The following TRMT112 variants were observed in gnomAD, a reference collection of about 807,000 sequenced individuals.
TRMT112 encodes tRNA methyltransferase activator subunit 11-2.
In TRMT112, 9 loss-of-function variants were observed where a neutral mutation model predicts 13.8. The observed-to-expected ratio is 0.65, with a 90% CI of 0.39 to 1.14. The LOEUF (loss-of-function observed/expected upper bound fraction) is 1.14, where lower values mean the gene tolerates loss of function less well. Among genes scored for constraint, TRMT112 ranks in the 50% most tolerant of loss-of-function variants. The probability of loss-of-function intolerance (pLI) is 0.01; values close to 1 mark genes in which losing one functional copy is unlikely to be tolerated. For synonymous variants in TRMT112, 64 were observed against 67.0 expected (o/e 0.96, Z 0.22); for missense variants, 196 against 165.5 (o/e 1.18, Z -1.01).
upstream of TRMT112, chr11:64,317,736 G>C: frequency 1.4e-6 from 1 of 740,404 alleles, no homozygotes; most frequent in Non-Finnish European, 2.1e-6. Context: ...CTCAGCAGGA[G>C]GTTCCTACGG....
chr11:64,318,041 G>A, upstream of TRMT112: 1 of 1,433,322 alleles, frequency 7.0e-7, no homozygotes, highest in Non-Finnish European at 9.1e-7. Context: ...AGCACCCAGT[G>A]CAAACGAGGC....
upstream of TRMT112, chr11:64,318,440 C>T (rs192518475): frequency 8.4e-6 from 13 of 1,548,418 alleles, no homozygotes; most frequent in East Asian, 1.9e-4. Context: ...ATGGCAATCC[C>T]CGTCCCGCTA....
Position 64,316,668 on chromosome 11 carries a change from T to C in TRMT112, c.*193A>G. ...TGTACAGAGACTCTATTTTAATGTATATTTGCTGCAAAGAGAAACCGCTTT... is the reference window on the plus strand; with the variant it reads ...TGTACAGAGACTCTATTTTAATGTACATTTGCTGCAAAGAGAAACCGCTTT... On this transcript the variant is annotated 3_prime_UTR_variant, in exon 4 of 4. Coordinates refer to ENST00000544844, the MANE Select transcript of TRMT112 (RefSeq NM_016404.3). 1.7e-6 allele frequency: 1 copy of C among 597,374 alleles called. No homozygotes were observed. Among genetic ancestry groups the C allele is most frequent in the Admixed American group, 3.0e-5 (1 of 33,084 alleles). The allele number at this position is 597,374 out of a possible 1,614,324, so 37.0% of individuals were successfully genotyped here.
At chr11:64,317,907 G>A, upstream of TRMT112, 2 of 1,354,504 alleles carry the variant, frequency 1.5e-6, no homozygotes, top group South Asian at 1.7e-5. Context: ...TCGGTTAAGG[G>A]GCAGAAATAC....
chr11:64,318,536 G>C, upstream of TRMT112: 1 of 1,045,168 alleles, frequency 9.6e-7, no homozygotes, highest in South Asian at 1.5e-5. Flanking sequence ...CCTCGTGGCT[G>C]CCCACCTTTC....
At position 64,317,276 on chromosome 11, in the gene TRMT112, C is replaced by T; in HGVS notation, c.168G>A (p.Glu56=). The change falls in exon 2 of 4, where the codon GAG becomes GAA. Residue 56 remains glutamate (E), a synonymous_variant. Transcript: ENST00000544844. ...IPKVEWSAFL[E]AADNLRLIQV... Reference sequence around the variant, plus strand: ...TAAGGATCCTCACGTTATCGGCCGCCTCCAGGAACGCCGACCACTCCACTT... The same window carrying T: ...TAAGGATCCTCACGTTATCGGCCGCTTCCAGGAACGCCGACCACTCCACTT... 6.2e-7 allele frequency: 1 copy of T among 1,610,928 alleles called. No individual in the cohort carries two copies. Among genetic ancestry groups the T allele is most frequent in the Non-Finnish European group, 8.5e-7 (1 of 1,177,270 alleles).
At chr11:64,317,939 C>T (rs2035350435), upstream of TRMT112, 13 of 1,379,808 alleles carry the variant, frequency 9.4e-6, no homozygotes, top group Non-Finnish European at 9.3e-7. Context: ...TAAATTAGGC[C>T]CATGGAAGCC....
At chr11:64,317,687 T>G (rs1591252042), upstream of TRMT112, 1 of 828,502 alleles carries the variant, frequency 1.2e-6, no homozygotes, top group Non-Finnish European at 1.8e-6. Flanking sequence ...GGTAGGTAGG[T>G]GAAAGACCTG....
chr11:64,317,415 C>A, intron 1 of TRMT112, 34 bp downstream of exon 1: 2 of 1,613,902 alleles, frequency 1.2e-6, no homozygotes, highest in Non-Finnish European at 1.7e-6. Context: ...CCCACCATCC[C>A]GCCCGAAAAG....
intron 3 of TRMT112, 40 bp downstream of exon 3, chr11:64,317,018 G>A: frequency 6.2e-7 from 1 of 1,613,270 alleles, no homozygotes; most frequent in Non-Finnish European, 8.5e-7. Flanking sequence ...CAGTGCGGGA[G>A]GCAGGTGGCC....
upstream of TRMT112, chr11:64,318,156 G>T: frequency 1.2e-6 from 2 of 1,601,658 alleles, no homozygotes; most frequent in East Asian, 2.2e-5. Flanking sequence ...CGCTAGCGGT[G>T]CCCCGCCTGC....
Position 64,317,279 on chromosome 11 carries a change from C to T in TRMT112, c.165G>A (p.Leu55=), listed in dbSNP as rs1481016651. 3.1e-6 allele frequency: 5 copies of T among 1,611,402 alleles called. No individual in the cohort carries two copies. The Admixed American group carries it at 5.0e-5, about 16-fold the overall frequency. The change falls in exon 2 of 4, where the codon CTG becomes CTA. Residue 55 remains leucine (L), a synonymous_variant. Transcript: ENST00000544844. ...MIPKVEWSAF[L]EAADNLRLIQ... is the part of the protein sequence containing the mutation. ...GGATCCTCACGTTATCGGCCGCCTC[C>T]AGGAACGCCGACCACTCCACTTTAG... is the stretch of plus-strand genomic sequence containing the variant.
At chr11:64,317,755 C>A, upstream of TRMT112, 2 of 761,364 alleles carry the variant, frequency 2.6e-6, no homozygotes, top group South Asian at 4.5e-5. Context: ...GGCGCACGCC[C>A]AGCTTTTTTT....
upstream of TRMT112, chr11:64,317,963 T>C (rs1042604106): frequency 1.4e-5 from 20 of 1,391,930 alleles, no homozygotes; most frequent in African/African-American, 2.8e-4. Flanking sequence ...CCGCACCTCA[T>C]TCCTATATGC....
Position 64,317,437 on chromosome 11 carries a change from G to A in TRMT112, c.78+12C>T, listed in dbSNP as rs1289606667. ...TCCCGCCCGAAAAGGGAAGACTGCC[G>A]CCGGCGGGTACCTGGAGGCGCAGGG... On this transcript the variant is annotated intron_variant, in intron 1 of 3. Coordinates refer to ENST00000544844, the MANE Select transcript of TRMT112 (RefSeq NM_016404.3). 6.2e-7 allele frequency: 1 copy of A among 1,612,384 alleles called. No homozygotes were observed. Among genetic ancestry groups the A allele is most frequent in the Non-Finnish European group, 8.5e-7 (1 of 1,179,228 alleles).
chr11:64,317,114 C>T lies in TRMT112; in HGVS notation c.214G>A (p.Glu72Lys). The T allele has an allele frequency of 1.2e-6, 2 of 1,614,204 alleles. No individual in the cohort carries two copies. The highest frequency in any genetic ancestry group is 1.7e-6 in the Non-Finnish European group (2 of 1,180,034). ...AACTCCTCATTCTCCTCATATCCCT[C>T]AACCGGCCCTTTCGGCACCTGGATC... ...RLIQVPKGPVEGYEENEEFLR... is the reference protein window; with the variant it reads ...RLIQVPKGPVKGYEENEEFLR... The change falls in exon 3 of 4, where the codon GAG (glutamate) becomes AAG (lysine). Residue 72 changes from glutamate to lysine, a missense_variant. Coordinates refer to ENST00000544844, the MANE Select transcript of TRMT112 (RefSeq NM_016404.3).
rs2035273427 is a variant in TRMT112 at position 64,316,562 on chromosome 11, A to C, written c.*299T>G. On this transcript the variant is annotated 3_prime_UTR_variant, in exon 4 of 4. Coordinates refer to ENST00000544844, the MANE Select transcript of TRMT112 (RefSeq NM_016404.3). ...AGAGCACTGCCTCTATGCCCTGCAG[A>C]GCAATAACACTATATTTATTTTTGG... 1 of 339,340 alleles carries C rather than the reference A, an allele frequency of 2.9e-6. No individual in the cohort carries two copies. The highest frequency in any genetic ancestry group is 4.5e-5 in the Admixed American group (1 of 22,000). The allele number at this position is 339,340 out of a possible 1,614,324, so 21.0% of individuals were successfully genotyped here.
At chr11:64,318,124 C>A, upstream of TRMT112, 2 of 1,549,200 alleles carry the variant, frequency 1.3e-6, no homozygotes, top group Non-Finnish European at 1.7e-6. Context: ...GGCCCGCCTT[C>A]CGCAGGGTGT....
chr11:64,317,932 A>G, upstream of TRMT112: 2 of 1,376,472 alleles, frequency 1.5e-6, no homozygotes, highest in Non-Finnish European at 1.9e-6. Context: ...CTATCTGTAA[A>G]TTAGGCCCAT....
Sources: allele counts gnomAD v4.1 joint callset, GRCh38; gene constraint gnomAD v4.1.1; transcripts MANE v1.5; gene names NCBI Gene and HGNC (gene_info 2026-07-23, HGNC 2026-07-21).